DGKK: variants seen among roughly 807,000 people sequenced by gnomAD.
The protein encoded by DGKK is diacylglycerol kinase kappa, also known as 142 kDa diacylglycerol kinase.
DGKK carries 35 observed loss-of-function variants against 92.2 expected under a neutral mutation model. The ratio of observed to expected loss-of-function variants is 0.38; its 90% CI spans 0.29 to 0.50. The LOEUF (loss-of-function observed/expected upper bound fraction) is 0.50, where lower values mean the gene tolerates loss of function less well. DGKK is among the 20% of genes least tolerant of loss of function. The pLI is 0.92. For synonymous variants in DGKK, 368 were observed against 360.6 expected (o/e 1.02, Z -0.23); for missense variants, 910 against 992.2 (o/e 0.92, Z 1.11).
intron 4 of DGKK, 141 bp downstream of exon 4, chrX:50,420,261 TA>T (rs1255931151): frequency 8.4e-5 from 43 of 511,266 alleles, no homozygotes; most frequent in Non-Finnish European, 1.3e-4. Flanking sequence ...TGAATAATTC[TA>T]AAGAGGTTTT....
intron 1 of DGKK, among the ~76,000 whole-genome samples, chrX:50,435,181 G>A (rs1226830188): frequency 8.9e-6 from 1 of 112,594 alleles, no homozygotes; most frequent in Non-Finnish European, 1.9e-5. Flanking sequence ...CATCGACTGA[G>A]ACATTGTTAT....
intron 25 of DGKK, 145 bp downstream of exon 25, chrX:50,374,826 C>G: frequency 2.1e-6 from 1 of 483,991 alleles, no homozygotes; most frequent in Non-Finnish European, 3.6e-6. Flanking sequence ...CAACAACAAT[C>G]CTAGGTGACA....
At chrX:50,417,701 A>C (rs1925470870) in intron 4 of DGKK, among the ~76,000 whole-genome samples, 1 of 110,413 alleles carries the variant, frequency 9.1e-6, no homozygotes, top group Admixed American at 9.7e-5. Flanking sequence ...GGGGCTTAAC[A>C]CGGTCTTGCC....
At chrX:50,377,619 T>G (rs1296721178) in intron 22 of DGKK, among the ~76,000 whole-genome samples, 1 of 112,588 alleles carries the variant, frequency 8.9e-6, no homozygotes, top group Non-Finnish European at 1.9e-5. Context: ...TTATAAGCTT[T>G]AGAAGCTTTA....
At chrX:50,400,972 T>C in intron 8 of DGKK, 65 bp downstream of exon 8, 1 of 1,025,674 alleles carries the variant, frequency 9.7e-7, no homozygotes, top group Non-Finnish European at 1.3e-6. Flanking sequence ...GCAGTGCTTC[T>C]TCCCAGCCTT....
chrX:50,404,216 G>C, intron 4 of DGKK, 32 bp from the exon 5 acceptor site: 1 of 1,183,543 alleles, frequency 8.4e-7, no homozygotes, highest in Non-Finnish European at 1.1e-6. Flanking sequence ...AGAGAATGGA[G>C]GATGAATCAC....
At chrX:50,378,067 T>G (rs782677094) in intron 22 of DGKK, 31 bp downstream of exon 22, 1 of 1,196,186 alleles carries the variant, frequency 8.4e-7, no homozygotes, top group African/African-American at 1.8e-5. Flanking sequence ...TGAGGCAGTA[T>G]AGGAGCCCAA....
At chrX:50,436,483 T>C (rs1307368562) in intron 1 of DGKK, among the ~76,000 whole-genome samples, 1 of 112,366 alleles carries the variant, frequency 8.9e-6, no homozygotes, top group Non-Finnish European at 1.9e-5. Context: ...ACTGGTCTTA[T>C]TGGAAATTAT....
At position 50,403,192 on chromosome X, in the gene DGKK, G is replaced by A; in HGVS notation, c.1186-9C>T. The A allele has an allele frequency of 8.5e-7, 1 of 1,181,885 alleles. No individual in the cohort carries two copies. Among genetic ancestry groups the A allele is most frequent in the Non-Finnish European group, 1.1e-6 (1 of 878,678 alleles). ...CATTGATGGGGCATGTTCTGCAGAAGGGTAAAAAGACACAGGAGGTAGAAG... is the reference window on the plus strand; with the variant it reads ...CATTGATGGGGCATGTTCTGCAGAAAGGTAAAAAGACACAGGAGGTAGAAG... On this transcript the variant is annotated splice_polypyrimidine_tract_variant and intron_variant, in intron 6 of 27. Transcript: ENST00000611977.
chrX:50,383,018 T>A, intron 17 of DGKK, among the ~76,000 whole-genome samples: 1 of 111,873 alleles, frequency 8.9e-6, no homozygotes, highest in Non-Finnish European at 1.9e-5. Flanking sequence ...CTGCTCTCAG[T>A]GATGTCCGAC....
intron 1 of DGKK, among the ~76,000 whole-genome samples, chrX:50,452,713 A>C (rs1212568337): frequency 8.9e-6 from 1 of 112,500 alleles, no homozygotes; most frequent in African/African-American, 3.2e-5. Flanking sequence ...AAAGTGCTTT[A>C]CAGAATTCAT....
intron 4 of DGKK, among the ~76,000 whole-genome samples, chrX:50,413,487 T>C (rs1377436821): frequency 8.9e-6 from 1 of 112,231 alleles, no homozygotes; most frequent in South Asian, 3.7e-4. Context: ...ATCCAAAATA[T>C]ATAAGGAACT....
At chrX:50,371,658 T>A (rs1475989663) in intron 26 of DGKK, 66 bp downstream of exon 26, 11 of 842,212 alleles carry the variant, frequency 1.3e-5, no homozygotes, top group Non-Finnish European at 1.7e-5. Flanking sequence ...TGGCCCACAC[T>A]GGAAGGGAAG....
intron 4 of DGKK, among the ~76,000 whole-genome samples, chrX:50,414,456 A>G (rs2147133755): frequency 8.9e-6 from 1 of 111,887 alleles, no homozygotes; most frequent in Non-Finnish European, 1.9e-5. Flanking sequence ...ATTTTACTCC[A>G]TAAATCTGTG....
At chrX:50,449,468 T>A (rs932371391) in intron 1 of DGKK, among the ~76,000 whole-genome samples, 1 of 111,655 alleles carries the variant, frequency 9.0e-6, no homozygotes, top group African/African-American at 3.3e-5. Context: ...CAAGGCGGAC[T>A]AATTTATTGT....
At position 50,455,853 on chromosome X, in the gene DGKK, T is replaced by C. The variant is rs782176014; in HGVS notation, c.645+14181A>G. Among the ~76,000 whole-genome samples, 12 of 112,112 alleles carry C rather than the reference T, an allele frequency of 1.1e-4. No individual in the cohort carries two copies. In the South Asian group the frequency reaches 4.5e-3, roughly 42 times the overall value. Reference sequence around the variant, plus strand: ...TTTCCCCTCCCCTTTTCCCTAAACATTATTTGCCCACATTTGTCTACACTC... The same window carrying C: ...TTTCCCCTCCCCTTTTCCCTAAACACTATTTGCCCACATTTGTCTACACTC... On this transcript the variant is annotated intron_variant, in intron 1 of 27. Coordinates refer to ENST00000611977, the MANE Select transcript of DGKK (RefSeq NM_001013742.4).
chrX:50,377,110 C>T (rs782000078), intron 22 of DGKK, among the ~76,000 whole-genome samples, 192 bp from the exon 23 acceptor site: 89 of 111,963 alleles, frequency 7.9e-4, no homozygotes, highest in African/African-American at 2.8e-3. Flanking sequence ...TCATTTTATT[C>T]AATCTCTTCT....
At position 50,404,042 on chromosome X, in the gene DGKK, A is replaced by G. The variant is rs1557226958; in HGVS notation, c.1078+7T>C. 3.3e-6 allele frequency: 4 copies of G among 1,208,965 alleles called. No homozygotes were observed. The highest frequency in any genetic ancestry group is 4.5e-6 in the Non-Finnish European group (4 of 894,444). Reference sequence around the variant, plus strand: ...AGCTTCACTTCCTAAAGGAATCAGAAAGGTACCTTCACAGATGATGGCATC... The same window carrying G: ...AGCTTCACTTCCTAAAGGAATCAGAGAGGTACCTTCACAGATGATGGCATC... On this transcript the variant is annotated splice_region_variant and intron_variant, in intron 5 of 27. Transcript: ENST00000611977.
intron 1 of DGKK, among the ~76,000 whole-genome samples, chrX:50,466,260 A>G (rs922092068): frequency 9.0e-6 from 1 of 110,739 alleles, no homozygotes; most frequent in Non-Finnish European, 1.9e-5. Flanking sequence ...GGAGGGGGGA[A>G]AAACTGAAGA....
Sources: gnomAD v4.1 joint callset for allele counts (sites outside exome capture counted in the v4.1 genomes callset) on GRCh38, gnomAD v4.1.1 for gene constraint, MANE v1.5 for transcripts, NCBI Gene and HGNC (gene_info 2026-07-23, HGNC 2026-07-21) for gene names.